Variants in AIG1 observed in about 807,000 individuals in gnomAD.
AIG1 encodes androgen induced 1, also known as androgen-induced gene 1 protein.
AIG1 carries 23 observed loss-of-function variants against 31.4 expected under a neutral mutation model. The observed-to-expected ratio is 0.73, with a 90% CI of 0.53 to 1.04. The LOEUF is 1.04. AIG1 is among the 50% of genes least tolerant of loss of function. AIG1 has a pLI of 0.00. For synonymous variants in AIG1, 100 were observed against 110.5 expected (o/e 0.90, Z 0.60); for missense variants, 274 against 295.0 (o/e 0.93, Z 0.52).
intron 5 of AIG1, chr6:143,335,530 CA>C (rs35780151): frequency 0.19 from 21,275 of 109,938 alleles, 1,596 homozygotes; most frequent in East Asian, 0.37. Context: ...GACTCCATCT[CA>C]AAAAAAAAAA....
At chr6:143,079,608 T>G (rs1778027623) in intron 1 of AIG1, among the ~76,000 whole-genome samples, 1 of 152,202 alleles carries the variant, frequency 6.6e-6, no homozygotes, top group Non-Finnish European at 1.5e-5. Flanking sequence ...AATATCTACT[T>G]TTTTACACTT....
intron 1 of AIG1, among the ~76,000 whole-genome samples, chr6:143,079,972 G>A: frequency 6.6e-6 from 1 of 151,936 alleles, no homozygotes; most frequent in Middle Eastern, 3.2e-3. Flanking sequence ...CCTCTTTTTA[G>A]CCTAATTTGT....
rs1795402700 is a variant in AIG1, at chr6:143,256,773, A to G, written c.400-27337A>G. Among the ~76,000 whole-genome samples, 1 of 152,238 alleles carries G rather than the reference A, an allele frequency of 6.6e-6. No homozygotes were observed. Among genetic ancestry groups the G allele is most frequent in the Admixed American group, 6.5e-5 (1 of 15,284 alleles). ...TTTGGCACTCTCTAGATTTTGACAC[A>G]TTAGAAGAAAAAATAAAGTTATATT... On this transcript the variant is annotated intron_variant, in intron 3 of 5. Coordinates refer to ENST00000357847, the MANE Select transcript of AIG1 (RefSeq NM_016108.4). The surrounding 1 kb of genome is among the most constrained non-coding windows in gnomAD (Gnocchi z 4.6).
intron 1 of AIG1, among the ~76,000 whole-genome samples, chr6:143,102,921 T>C (rs578225503): frequency 6.0e-4 from 91 of 152,344 alleles, no homozygotes; most frequent in African/African-American, 2.1e-3. Flanking sequence ...TTGTTTGTTT[T>C]ATCCCAGAAT....
chr6:143,316,804 A>G (rs191854914), intron 4 of AIG1, among the ~76,000 whole-genome samples: 102 of 152,292 alleles, frequency 6.7e-4, no homozygotes, highest in African/African-American at 2.3e-3. Flanking sequence ...AATAAGCTCA[A>G]TTAGAAAAGA....
intron 3 of AIG1, among the ~76,000 whole-genome samples, chr6:143,177,339 T>G (rs1475745568): frequency 2.0e-5 from 3 of 152,238 alleles, no homozygotes; most frequent in Non-Finnish European, 1.5e-5. Flanking sequence ...GTTGTGTTCT[T>G]TTGAAGGTAT....
At chr6:143,170,672 A>G (rs1464195516) in intron 3 of AIG1, among the ~76,000 whole-genome samples, 1 of 150,572 alleles carries the variant, frequency 6.6e-6, no homozygotes, top group African/African-American at 2.4e-5. Context: ...CCTTCTATTA[A>G]TTTTAGGTTT....
In AIG1 at chr6:143,292,769, C is replaced by G. The variant is rs928795260; in HGVS notation, c.515+8544C>G. ...AAAAAGCATGATGATAGTGATCAGG[C>G]AGGATTGCCGTGAGCATCAGAAAAA... On this transcript the variant is annotated intron_variant, in intron 4 of 5. Coordinates refer to ENST00000357847, the MANE Select transcript of AIG1 (RefSeq NM_016108.4). The surrounding 1 kb of genome is among the most constrained non-coding windows in gnomAD (Gnocchi z 4.9). 6.6e-6 allele frequency among the ~76,000 whole-genome samples: 1 copy of G among 152,170 alleles called. No individual in the cohort carries two copies.
Position 143,084,970 on chromosome 6 carries a change from G to T in AIG1, c.141+23904G>T, listed in dbSNP as rs149369967. ...AACTGTAACTGAGATATCAGAGATCGCCAAACTCTCGGGCTGCAGTTACGG... is the reference window on the plus strand; with the variant it reads ...AACTGTAACTGAGATATCAGAGATCTCCAAACTCTCGGGCTGCAGTTACGG... On this transcript the variant is annotated intron_variant, in intron 1 of 5. Transcript: ENST00000357847. 6.0e-3 allele frequency among the ~76,000 whole-genome samples: 906 copies of T among 152,190 alleles called. 13 individuals carry two copies. Among genetic ancestry groups the T allele is most frequent in the African/African-American group, 0.018 (764 of 41,510 alleles).
intron 5 of AIG1, chr6:143,335,028 C>A: frequency 7.4e-7 from 1 of 1,355,906 alleles, no homozygotes; most frequent in Non-Finnish European, 9.7e-7. Flanking sequence ...GATTGACTAA[C>A]TTTTTTTAAA....
At chr6:143,078,706 G>A (rs1464844175) in intron 1 of AIG1, among the ~76,000 whole-genome samples, 1 of 152,110 alleles carries the variant, frequency 6.6e-6, no homozygotes, top group African/African-American at 2.4e-5. Context: ...GAACAGTATG[G>A]AGGAAACCAC....
intron 3 of AIG1, among the ~76,000 whole-genome samples, chr6:143,264,568 G>A (rs1796024112): frequency 6.6e-6 from 1 of 152,176 alleles, no homozygotes; most frequent in Non-Finnish European, 1.5e-5. Context: ...GGGACCAGAT[G>A]TCGCCCGATT....
chr6:143,163,654 A>T (rs934871735), intron 2 of AIG1, among the ~76,000 whole-genome samples: 1 of 152,144 alleles, frequency 6.6e-6, no homozygotes, highest in African/African-American at 2.4e-5. Context: ...CTAGTACGTT[A>T]TCCACAGCAG....
intron 1 of AIG1, among the ~76,000 whole-genome samples, chr6:143,118,457 CAAA>C: frequency 9.0e-6 from 1 of 110,938 alleles, no homozygotes. Flanking sequence ...GACTCCGTCT[CAAA>C]AAAAAAAAAA....
At chr6:143,218,440 C>T (rs1792201978) in intron 3 of AIG1, among the ~76,000 whole-genome samples, 1 of 152,190 alleles carries the variant, frequency 6.6e-6, no homozygotes, top group African/African-American at 2.4e-5. Context: ...AATAAAATAT[C>T]ATATGTTTCC....
At chr6:143,064,273 G>A (rs536983029) in intron 1 of AIG1, among the ~76,000 whole-genome samples, 3 of 152,288 alleles carry the variant, frequency 2.0e-5, no homozygotes, top group Admixed American at 2.0e-4. Context: ...GTCCTTAAAA[G>A]GAATAGGGAA....
intron 1 of AIG1, among the ~76,000 whole-genome samples, chr6:143,067,505 C>T (rs897207187): frequency 4.6e-5 from 7 of 151,974 alleles, no homozygotes; most frequent in Non-Finnish European, 8.8e-5. Flanking sequence ...ACCATTTTTG[C>T]TTTTAGACAT....
intron 1 of AIG1, among the ~76,000 whole-genome samples, chr6:143,095,690 A>T (rs954238600): frequency 6.6e-6 from 1 of 152,176 alleles, no homozygotes; most frequent in African/African-American, 2.4e-5. Flanking sequence ...ATTATCAGTT[A>T]TGTAAGTTTT....
At chr6:143,266,346 CAAA>C (rs398002969) in intron 3 of AIG1, among the ~76,000 whole-genome samples, 4 of 93,214 alleles carry the variant, frequency 4.3e-5, no homozygotes, top group African/African-American at 8.0e-5. Context: ...GAGTCCGTCT[CAAA>C]AAAAAAAAAA....
Sources: gnomAD v4.1 joint callset for allele counts (sites outside exome capture counted in the v4.1 genomes callset) on GRCh38, gnomAD v4.1.1 for gene constraint, Gnocchi (gnomAD v3.1) non-coding constraint, MANE v1.5 for transcripts, NCBI Gene and HGNC (gene_info 2026-07-23, HGNC 2026-07-21) for gene names.